PRKAG2: variants seen among roughly 807,000 people sequenced by gnomAD.
PRKAG2 encodes 5'-AMP-activated protein kinase subunit gamma-2.
In PRKAG2, 26 loss-of-function variants were observed where a neutral mutation model predicts 69.6. The observed-to-expected ratio is 0.37, with a 90% CI of 0.27 to 0.52. The LOEUF is 0.52. PRKAG2 is among the 20% of genes least tolerant of loss of function. The pLI, the probability that PRKAG2 is intolerant of heterozygous loss-of-function variation, is 0.90. For missense variants in PRKAG2, 557 were observed against 740.0 expected, an observed-to-expected ratio of 0.75 and a Z score of 2.87; for synonymous variants, 293 against 285.0, an observed-to-expected ratio of 1.03 and a Z score of -0.28.
At chr7:151,668,340 C>T (rs1831339966) in intron 4 of PRKAG2, among the ~76,000 whole-genome samples, 1 of 152,220 alleles carries the variant, frequency 6.6e-6, no homozygotes, top group South Asian at 2.1e-4. Flanking sequence ...AATTAAACCT[C>T]TTCTCTTTAT....
At chr7:151,705,624 A>G (rs1838460309) in intron 3 of PRKAG2, among the ~76,000 whole-genome samples, 1 of 152,188 alleles carries the variant, frequency 6.6e-6, no homozygotes, top group Admixed American at 6.5e-5. Context: ...AAGGCCCATA[A>G]AGAAAGCAAT....
chr7:151,626,464 CAAT>C (rs1381239957), intron 5 of PRKAG2, among the ~76,000 whole-genome samples: 1 of 152,178 alleles, frequency 6.6e-6, no homozygotes, highest in Non-Finnish European at 1.5e-5. Flanking sequence ...AATCCAGAAA[CAAT>C]AAGTCTCTTA....
At chr7:151,656,307 C>A (rs2151416286) in intron 4 of PRKAG2, among the ~76,000 whole-genome samples, 1 of 152,268 alleles carries the variant, frequency 6.6e-6, no homozygotes, top group Admixed American at 6.5e-5. Flanking sequence ...GTGATCCCAG[C>A]AATTTGGGAG....
chr7:151,822,772 C>T (rs544437459), intron 1 of PRKAG2, among the ~76,000 whole-genome samples: 20 of 152,178 alleles, frequency 1.3e-4, no homozygotes, highest in Non-Finnish European at 2.2e-4. Context: ...CCCATGTGGA[C>T]GCCACCTGCA....
rs576328928 is a variant in PRKAG2 at position 151,719,933 on chromosome 7, A to G, written c.467-44296T>C. ...CTGCACCTTCCCATGGAACTCTCCC[A>G]ATTGGCTGTGCTTGCTCTGCCCAGG... On this transcript the variant is annotated intron_variant, in intron 3 of 15. Transcript: ENST00000287878. This position sits in a 1 kb window ranked among gnomAD's most constrained non-coding sequence, Gnocchi z 5.2. Among the ~76,000 whole-genome samples, 1 of 152,232 alleles carries G rather than the reference A, an allele frequency of 6.6e-6. No homozygotes were observed. The highest frequency in any genetic ancestry group is 2.1e-4 in the South Asian group (1 of 4,786).
Position 151,596,684 on chromosome 7 carries a change from G to C in PRKAG2, c.755-1230C>G, listed in dbSNP as rs144022997. 5.9e-3 allele frequency among the ~76,000 whole-genome samples: 898 copies of C among 152,278 alleles called. 6 individuals carry two copies. Among genetic ancestry groups the C allele is most frequent in the African/African-American group, 0.021 (863 of 41,562 alleles). On this transcript the variant is annotated intron_variant, in intron 5 of 15. Coordinates refer to ENST00000287878, the MANE Select transcript of PRKAG2 (RefSeq NM_016203.4). ...GAATTGCTTGAACCTGGGAGGCGGA[G>C]GTTGTAGTGGGCTGAGATTGCGGCA...
chr7:151,852,875 C>A (rs1415217700), intron 1 of PRKAG2, among the ~76,000 whole-genome samples: 2 of 152,222 alleles, frequency 1.3e-5, no homozygotes, highest in Non-Finnish European at 2.9e-5. Context: ...CTGCACGGCC[C>A]CATAAGGGGT....
intron 3 of PRKAG2, among the ~76,000 whole-genome samples, chr7:151,714,842 C>A (rs1236670399): frequency 6.6e-6 from 1 of 151,138 alleles, no homozygotes. Flanking sequence ...CCCAGCTACT[C>A]GGGAGGCTGA....
intron 1 of PRKAG2, among the ~76,000 whole-genome samples, chr7:151,789,934 G>C (rs765554663): frequency 6.6e-6 from 1 of 152,036 alleles, no homozygotes; most frequent in East Asian, 1.9e-4. Flanking sequence ...TCTCTGTTCC[G>C]GTCTCCTCCT....
intron 3 of PRKAG2, among the ~76,000 whole-genome samples, chr7:151,779,886 C>T (rs1469503630): frequency 1.3e-5 from 2 of 152,158 alleles, no homozygotes; most frequent in East Asian, 3.8e-4. Flanking sequence ...TTTGATCCCT[C>T]ATCTCTAGAC....
At chr7:151,764,061 G>C (rs1044430811) in intron 3 of PRKAG2, among the ~76,000 whole-genome samples, 4 of 152,228 alleles carry the variant, frequency 2.6e-5, no homozygotes, top group African/African-American at 9.6e-5. Flanking sequence ...GGGACGGGCA[G>C]ACAGCCTGGC....
At chr7:151,659,268 A>G (rs1329096241) in intron 4 of PRKAG2, among the ~76,000 whole-genome samples, 1 of 152,220 alleles carries the variant, frequency 6.6e-6, no homozygotes, top group East Asian at 1.9e-4. Context: ...TATCCAGGCC[A>G]TAGATTCCTG....
At chr7:151,866,431 T>G (rs561228346) in intron 1 of PRKAG2, among the ~76,000 whole-genome samples, 4 of 152,216 alleles carry the variant, frequency 2.6e-5, no homozygotes, top group Admixed American at 1.3e-4. Context: ...CACATATTAC[T>G]TTAGAGATAA....
At chr7:151,603,381 A>G (rs1290042883) in intron 5 of PRKAG2, among the ~76,000 whole-genome samples, 1 of 36,752 alleles carries the variant, frequency 2.7e-5, no homozygotes, top group African/African-American at 1.6e-4. Flanking sequence ...TCCTCACCGC[A>G]CACGGAGGGA....
rs879226432 is a variant in PRKAG2 at position 151,830,125 on chromosome 7, T to G, written c.115-43584A>C. On this transcript the variant is annotated intron_variant, in intron 1 of 15. Transcript: ENST00000287878. ...CGAGGACTGTTCCACCTGGTTTTTT[T>G]TTTTTTTTTTTACCATGCTCACGAG... Among the ~76,000 whole-genome samples the G allele has an allele frequency of 4.0e-5, 6 of 151,390 alleles. No homozygotes were observed. The South Asian group carries it at 1.0e-3, about 26-fold the overall frequency.
chr7:151,563,035 G>A (rs1258457348), intron 14 of PRKAG2, among the ~76,000 whole-genome samples: 1 of 151,948 alleles, frequency 6.6e-6, no homozygotes, highest in African/African-American at 2.4e-5. Context: ...CTCATCCAGA[G>A]AATTAAGCAG....
chr7:151,593,992 C>T (rs1010243422), intron 6 of PRKAG2, among the ~76,000 whole-genome samples: 7 of 152,186 alleles, frequency 4.6e-5, no homozygotes, highest in East Asian at 1.9e-4. Context: ...CCTCTGAGGA[C>T]GCACGGCAGG....
intron 14 of PRKAG2, among the ~76,000 whole-genome samples, chr7:151,562,042 C>T (rs952992453): frequency 5.3e-5 from 8 of 151,184 alleles, no homozygotes; most frequent in Non-Finnish European, 1.2e-4. Context: ...ATCAAGTGCT[C>T]GAGACCAGCC....
At chr7:151,803,693 G>A (rs1354275044) in intron 1 of PRKAG2, among the ~76,000 whole-genome samples, 4 of 151,784 alleles carry the variant, frequency 2.6e-5, no homozygotes, top group African/African-American at 4.8e-5. Context: ...TGAGAGCAAC[G>A]GCTATATTAT....
Sources: allele counts gnomAD v4.1 joint callset (sites outside exome capture counted in the v4.1 genomes callset), GRCh38; gene constraint gnomAD v4.1.1; non-coding constraint Gnocchi (gnomAD v3.1); transcripts MANE v1.5; gene names NCBI Gene and HGNC (gene_info 2026-07-23, HGNC 2026-07-21).